Variants in DPYD observed in about 807,000 individuals in gnomAD.
DPYD encodes dihydropyrimidine dehydrogenase.
In DPYD, 109 loss-of-function variants were observed where a neutral mutation model predicts 116.2. That is an observed-to-expected ratio of 0.94 (90% CI 0.80 to 1.10). The LOEUF (loss-of-function observed/expected upper bound fraction) is 1.10, where lower values mean the gene tolerates loss of function less well. Ranked by LOEUF, DPYD falls within the 50% of genes least tolerant of loss-of-function variation. The pLI is 0.00. For missense variants in DPYD, 1,302 were observed against 1,254.5 expected (o/e 1.04, Z -0.57); for synonymous variants, 440 against 432.0 (o/e 1.02, Z -0.23).
At chr1:97,175,605 C>T (rs558496835) in intron 20 of DPYD, among the ~76,000 whole-genome samples, 9 of 152,156 alleles carry the variant, frequency 5.9e-5, no homozygotes, top group South Asian at 2.1e-4. Context: ...GGTGCCAAAG[C>T]GATAAAGGAA....
chr1:97,420,504 G>C (rs1473861652), intron 14 of DPYD, among the ~76,000 whole-genome samples: 1 of 151,906 alleles, frequency 6.6e-6, no homozygotes, highest in African/African-American at 2.4e-5. Flanking sequence ...AGCCACTCAA[G>C]GATCTTTCCA....
At chr1:97,576,193 A>G (rs1416555152) in intron 10 of DPYD, among the ~76,000 whole-genome samples, 1 of 152,204 alleles carries the variant, frequency 6.6e-6, no homozygotes, top group East Asian at 1.9e-4. Flanking sequence ...CTTATAACTC[A>G]TCAATATAAA....
chr1:97,816,786 A>G (rs1213674034), intron 3 of DPYD, among the ~76,000 whole-genome samples: 1 of 152,182 alleles, frequency 6.6e-6, no homozygotes, highest in Non-Finnish European at 1.5e-5. Context: ...TCCTAATCAC[A>G]CTAATTACTT....
At chr1:97,807,310 T>A (rs1668122060) in intron 3 of DPYD, among the ~76,000 whole-genome samples, 1 of 152,094 alleles carries the variant, frequency 6.6e-6, no homozygotes, top group African/African-American at 2.4e-5. Flanking sequence ...TGCTCCACAT[T>A]CTCATCAACA....
chr1:97,664,286 T>G (rs1017287335), intron 8 of DPYD, among the ~76,000 whole-genome samples: 3 of 151,904 alleles, frequency 2.0e-5, no homozygotes, highest in African/African-American at 7.3e-5. Context: ...GATTTTAAGG[T>G]CATGAGGGCA....
At chr1:97,794,611 T>A (rs1264748350) in intron 3 of DPYD, among the ~76,000 whole-genome samples, 2 of 152,194 alleles carry the variant, frequency 1.3e-5, no homozygotes, top group South Asian at 2.1e-4. Flanking sequence ...GTACATATTA[T>A]CAACATGACT....
At chr1:97,894,820 T>C (rs1004084027) in intron 1 of DPYD, among the ~76,000 whole-genome samples, 1 of 151,676 alleles carries the variant, frequency 6.6e-6, no homozygotes, top group Non-Finnish European at 1.5e-5. Flanking sequence ...ATTTCATTAC[T>C]TTAATTATAA....
At chr1:97,663,652 T>A (rs1266677367) in intron 8 of DPYD, among the ~76,000 whole-genome samples, 1 of 152,196 alleles carries the variant, frequency 6.6e-6, no homozygotes, top group Non-Finnish European at 1.5e-5. Flanking sequence ...AAATCCTTCA[T>A]TTTCCACAGC....
chr1:97,129,477 G>A (rs10875048), intron 20 of DPYD, among the ~76,000 whole-genome samples: 23,293 of 152,110 alleles, frequency 0.15, 2,024 homozygotes, highest in East Asian at 0.31. Context: ...TAGTAACACA[G>A]CTGCAGAGAC....
intron 18 of DPYD, among the ~76,000 whole-genome samples, chr1:97,267,069 G>A (rs1331034102): frequency 2.6e-5 from 4 of 152,066 alleles, no homozygotes; most frequent in Non-Finnish European, 5.9e-5. Context: ...TGGGTCAAAT[G>A]GTATTTCTAG....
At chr1:97,399,077 T>C (rs961080812) in intron 14 of DPYD, among the ~76,000 whole-genome samples, 1 of 152,230 alleles carries the variant, frequency 6.6e-6, no homozygotes, top group South Asian at 2.1e-4. Flanking sequence ...TTTATGGTTT[T>C]AGGTCTAACA....
chr1:97,369,187 A>C (rs1295131994), intron 16 of DPYD, among the ~76,000 whole-genome samples: 1 of 152,230 alleles, frequency 6.6e-6, no homozygotes, highest in Non-Finnish European at 1.5e-5. Context: ...GTTATAAAAC[A>C]ATTAAATCTA....
In DPYD at chr1:97,816,568, T is replaced by C. The variant is rs977931508; in HGVS notation, c.233+11546A>G. Among the ~76,000 whole-genome samples the C allele has an allele frequency of 1.6e-4, 24 of 152,200 alleles. 2 individuals carry two copies. ...AAACTAACACAATGTTGTCCTTTTA[T>C]AAGTACCATACTATACAAAGCTAAT... On this transcript the variant is annotated intron_variant, in intron 3 of 22. Coordinates refer to ENST00000370192, the MANE Select transcript of DPYD (RefSeq NM_000110.4).
At position 97,078,748 on chromosome 1, in the gene DPYD, A is replaced by C; in HGVS notation, c.*228T>G. On this transcript the variant is annotated 3_prime_UTR_variant, in exon 23 of 23. Transcript: ENST00000370192. The stretch of plus-strand genomic sequence containing the variant: ...CCAATTAACTGCCACACAGTTATTT[A>C]ACTACTATCCTCAGAAAAGAATTAT... The C allele has an allele frequency of 1.9e-6, 1 of 526,748 alleles. No homozygotes were observed. The allele number at this position is 526,748 out of a possible 1,614,324, so 32.6% of individuals were successfully genotyped here.
chr1:97,720,435 G>A (rs902819975), intron 5 of DPYD: 1 of 989,156 alleles, frequency 1.0e-6, no homozygotes, highest in African/African-American at 1.7e-5. Context: ...GTAGTGGTCA[G>A]GTAAGCCTAA....
At chr1:97,862,049 A>G (rs1671144168) in intron 2 of DPYD, among the ~76,000 whole-genome samples, 1 of 151,904 alleles carries the variant, frequency 6.6e-6, no homozygotes, top group South Asian at 2.1e-4. Context: ...CTATTATTTA[A>G]TCACTGACTT....
At chr1:97,762,390 C>A (rs1271708814) in intron 3 of DPYD, among the ~76,000 whole-genome samples, 1 of 152,000 alleles carries the variant, frequency 6.6e-6, no homozygotes, top group African/African-American at 2.4e-5. Context: ...TCAGAGGATG[C>A]TGTAGAAACT....
chr1:97,126,664 T>C (rs534018616), intron 20 of DPYD, among the ~76,000 whole-genome samples: 1 of 152,290 alleles, frequency 6.6e-6, no homozygotes, highest in East Asian at 1.9e-4. Flanking sequence ...ACTGAGTACC[T>C]GACTTTCCCT....
chr1:97,595,207 G>A (rs761252397), intron 8 of DPYD, 41 bp from the exon 9 acceptor site: 1 of 1,518,766 alleles, frequency 6.6e-7, no homozygotes, highest in Non-Finnish European at 9.1e-7. Context: ...GCAGGAGGAG[G>A]GGCTTTTCCT....
Sources: gnomAD v4.1 joint callset for allele counts (sites outside exome capture counted in the v4.1 genomes callset) on GRCh38, gnomAD v4.1.1 for gene constraint, MANE v1.5 for transcripts, NCBI Gene and HGNC (gene_info 2026-07-23, HGNC 2026-07-21) for gene names.